The following ZNF274 variants were observed in gnomAD, a reference collection of about 807,000 sequenced individuals.
The protein encoded by ZNF274 is neurotrophin receptor-interacting factor homolog.
ZNF274 carries 23 observed loss-of-function variants against 42.5 expected under a neutral mutation model. The ratio of observed to expected loss-of-function variants is 0.54; its 90% CI spans 0.39 to 0.77. The LOEUF (loss-of-function observed/expected upper bound fraction) is 0.77, where lower values mean the gene tolerates loss of function less well. ZNF274 is among the 30% of genes least tolerant of loss of function. The probability of loss-of-function intolerance (pLI) is 0.00; values close to 1 mark genes in which losing one functional copy is unlikely to be tolerated. For missense variants in ZNF274, 679 were observed against 806.5 expected, an observed-to-expected ratio of 0.84 and a Z score of 1.91; for synonymous variants, 292 against 305.4, an observed-to-expected ratio of 0.96 and a Z score of 0.46.
At chr19:58,196,084 A>G (rs1317425780) in intron 4 of ZNF274, among the ~76,000 whole-genome samples, 2 of 152,226 alleles carry the variant, frequency 1.3e-5, no homozygotes, top group African/African-American at 4.8e-5. Flanking sequence ...TGGCACTCGA[A>G]TCTTCAGCTC....
At position 58,183,953 on chromosome 19, in the gene ZNF274, G is replaced by A. The variant is rs773196616; in HGVS notation, c.-13G>A. On this transcript the variant is annotated 5_prime_UTR_variant, in exon 2 of 8. Transcript: ENST00000617501. Reference sequence around the variant, plus strand: ...CCCACTTCCACCAGAGACACATTGAGAAGGAGGAAACTATGGCCTCCAGGC... The same window carrying A: ...CCCACTTCCACCAGAGACACATTGAAAAGGAGGAAACTATGGCCTCCAGGC... 6.9e-6 allele frequency: 11 copies of A among 1,593,104 alleles called. No homozygotes were observed. In the African/African-American group the frequency reaches 9.4e-5, roughly 14 times the overall value.
rs918640033 is a variant in ZNF274 at position 58,204,538 on chromosome 19, C to T, written c.257-2182C>T. 3.3e-5 allele frequency among the ~76,000 whole-genome samples: 5 copies of T among 152,208 alleles called. 1 individual carries two copies. Among genetic ancestry groups the T allele is most frequent in the Middle Eastern group, 6.8e-3 (2 of 294 alleles). ...TGAGAGACCAGGGCCGAGGAGGGGT[C>T]TGTGCAGGCGGCTTCCGGGCTCTGA... On this transcript the variant is annotated intron_variant, in intron 4 of 7. Coordinates refer to ENST00000617501, the MANE Select transcript of ZNF274 (RefSeq NM_133502.3).
rs1568694173 is a variant in ZNF274, at chr19:58,183,915, C to T, written c.-45-6C>T. On this transcript the variant is annotated splice_region_variant and splice_polypyrimidine_tract_variant and intron_variant, in intron 1 of 7. Transcript: ENST00000617501. ...CTCCCTCCCCTCCCAACTTCGGTTT[C>T]CTCAGGACTCTGCCCACTTCCACCA... The T allele has an allele frequency of 6.4e-7, 1 of 1,568,468 alleles. No homozygotes were observed. The highest frequency in any genetic ancestry group is 1.2e-5 in the South Asian group (1 of 85,264).
chr19:58,188,638 T>G (rs2075733279), intron 4 of ZNF274, among the ~76,000 whole-genome samples: 1 of 134,116 alleles, frequency 7.5e-6, no homozygotes, highest in Non-Finnish European at 1.6e-5. Flanking sequence ...TATATATATA[T>G]ATATATATGT....
chr19:58,212,668 C>T lies in ZNF274; in HGVS notation c.1487C>T (p.Thr496Met), dbSNP rs772196015. The T allele has an allele frequency of 8.7e-6, 14 of 1,613,878 alleles. No homozygotes were observed. The highest frequency in any genetic ancestry group is 1.3e-5 in the African/African-American group (1 of 74,936). The change falls in exon 8 of 8, where the codon ACG (threonine) becomes ATG (methionine). Residue 496 changes from threonine to methionine, a missense_variant. By Grantham distance (81) the Thr-to-Met change is moderately conservative. Transcript: ENST00000617501. This position sits in a 1 kb window ranked among gnomAD's most constrained non-coding sequence, Gnocchi z 4.6. ...TTCAGTCGGAGTACTAAACAGATTA[C>T]GTTTATAAGAATTCACAAGGGGAGC... The part of the protein sequence containing the change: ...KTFSRSTKQI[T>M]FIRIHKGSQV...
At chr19:58,195,876 G>A (rs2075836103) in intron 4 of ZNF274, among the ~76,000 whole-genome samples, 2 of 152,176 alleles carry the variant, frequency 1.3e-5, no homozygotes, top group Admixed American at 1.3e-4. Context: ...CTGACAGGAG[G>A]TGGAGCTCAG....
In ZNF274 at chr19:58,207,078, G is replaced by A. The variant is rs760847333; in HGVS notation, c.615G>A (p.Val205=). The A allele has an allele frequency of 1.2e-6, 2 of 1,613,696 alleles. No homozygotes were observed. The highest frequency in any genetic ancestry group is 1.7e-6 in the Non-Finnish European group (2 of 1,179,942). Residue 205 remains valine, a synonymous_variant, in exon 5 of 8, where the codon GTG becomes GTA. Transcript: ENST00000617501. This position sits in a 1 kb window ranked among gnomAD's most constrained non-coding sequence, Gnocchi z 5.6. ...AGGAGCAGATCCTGGAGCTGCTGGT[G>A]CTGGAGCAGTTCCTAGGTGCACTGC... The part of the protein sequence containing the change: ...RSKEQILELL[V]LEQFLGALPV...
At chr19:58,188,605 C>G (rs1284211466) in intron 4 of ZNF274, among the ~76,000 whole-genome samples, 1 of 48,836 alleles carries the variant, frequency 2.0e-5, no homozygotes, top group East Asian at 4.7e-4. Flanking sequence ...GACTCCATCT[C>G]AAAAAAAAAA....
intron 4 of ZNF274, among the ~76,000 whole-genome samples, chr19:58,195,686 G>C (rs1255532263): frequency 1.3e-5 from 2 of 152,168 alleles, no homozygotes; most frequent in Non-Finnish European, 2.9e-5. Flanking sequence ...CTAGGGACCG[G>C]TTTTGTGGAA....
At chr19:58,194,789 C>A (rs1225239899) in intron 4 of ZNF274, among the ~76,000 whole-genome samples, 1 of 151,918 alleles carries the variant, frequency 6.6e-6, no homozygotes, top group Non-Finnish European at 1.5e-5. Context: ...GGGTGGATCA[C>A]CTGAGAAGTT....
At position 58,211,341 on chromosome 19, in the gene ZNF274, G is replaced by C; in HGVS notation, c.853-219G>C. ...GCTTGTTGCACTTGGAGCTCTTTAT[G>C]AAGCAAGGGCTCTGCCTCCCAGCCT... On this transcript the variant is annotated intron_variant, in intron 6 of 7. Coordinates refer to ENST00000617501, the MANE Select transcript of ZNF274 (RefSeq NM_133502.3). This position sits in a 1 kb window ranked among gnomAD's most constrained non-coding sequence, Gnocchi z 4.8. The C allele has an allele frequency of 2.2e-6, 1 of 449,232 alleles. No homozygotes were observed. The highest frequency in any genetic ancestry group is 5.0e-5 in the South Asian group (1 of 19,962). 27.8% of individuals were successfully genotyped at this position (449,232 alleles called of 1,614,324 possible). A position where few individuals can be genotyped will look rare whatever the true frequency, so the allele number is the denominator to read the frequency against.
At chr19:58,186,687 T>C (rs978552616) in intron 3 of ZNF274, among the ~76,000 whole-genome samples, 4 of 152,142 alleles carry the variant, frequency 2.6e-5, no homozygotes, top group Non-Finnish European at 4.4e-5. Flanking sequence ...ACAGCTGTCA[T>C]GTTTAACCAG....
In ZNF274 at chr19:58,213,330, T is replaced by TA; in HGVS notation, c.*188dup. 1.7e-6 allele frequency: 1 copy of TA among 591,414 alleles called. No homozygotes were observed. Among genetic ancestry groups the TA allele is most frequent in the Non-Finnish European group, 2.6e-6 (1 of 379,460 alleles). 36.6% of individuals were successfully genotyped at this position (591,414 alleles called of 1,614,324 possible). A position where few individuals can be genotyped will look rare whatever the true frequency, so the allele number is the denominator to read the frequency against. On this transcript the variant is annotated 3_prime_UTR_variant, in exon 8 of 8. Coordinates refer to ENST00000617501, the MANE Select transcript of ZNF274 (RefSeq NM_133502.3). ...ATAAATAAGAAAATGAGTGAGGAGT[T>TA]ATTAACATCATTTGGAAAAAAGATT... is the stretch of plus-strand genomic sequence containing the variant.
At position 58,213,140 on chromosome 19, in the gene ZNF274, A is replaced by T. The variant is rs778769878; in HGVS notation, c.1959A>T (p.Ser653=). ...RTKRKKKQPT[S] ...AGCGAAAGAAGAAACAGCCTACCTC[A>T]TAGCTCTCAAGCCAGTTGAAGAAAC... The change falls in exon 8 of 8, where the codon TCA becomes TCT. Residue 653 remains serine (S), a synonymous_variant. Coordinates refer to ENST00000617501, the MANE Select transcript of ZNF274 (RefSeq NM_133502.3). 1 of 1,605,918 alleles carries T rather than the reference A, an allele frequency of 6.2e-7. No homozygotes were observed. Among genetic ancestry groups the T allele is most frequent in the Non-Finnish European group, 8.5e-7 (1 of 1,175,086 alleles).
At chr19:58,185,644 GCCTCC>G (rs1032007655) in intron 2 of ZNF274, 63 bp from the exon 3 acceptor site, 22 of 1,366,324 alleles carry the variant, frequency 1.6e-5, no homozygotes, top group African/African-American at 3.0e-5. Context: ...GGCCTGGTCA[GCCTCC>G]CCTGTCTTTC....
chr19:58,203,038 A>C (rs1454899039), intron 4 of ZNF274, among the ~76,000 whole-genome samples: 1 of 152,240 alleles, frequency 6.6e-6, no homozygotes, highest in South Asian at 2.1e-4. Context: ...CCAAGGCATG[A>C]AAATCCCTCG....
At chr19:58,202,500 G>C (rs1254639561) in intron 4 of ZNF274, 4 of 152,182 alleles carry the variant, frequency 2.6e-5, no homozygotes, top group Non-Finnish European at 5.9e-5. Flanking sequence ...CAACCCATTA[G>C]ACAGACAGTT....
chr19:58,193,941 T>G (rs1400247745), intron 4 of ZNF274, among the ~76,000 whole-genome samples: 23 of 151,948 alleles, frequency 1.5e-4, no homozygotes, highest in Admixed American at 1.4e-3. Context: ...AATATATCTA[T>G]ATCTATATCT....
chr19:58,186,882 C>A, intron 3 of ZNF274, 65 bp from the exon 4 acceptor site: 2 of 1,399,388 alleles, frequency 1.4e-6, no homozygotes, highest in Non-Finnish European at 2.0e-6. Flanking sequence ...GCTTGTGCTG[C>A]AGTAGGATAG....
Sources: allele counts gnomAD v4.1 joint callset (sites outside exome capture counted in the v4.1 genomes callset), GRCh38; gene constraint gnomAD v4.1.1; non-coding constraint Gnocchi (gnomAD v3.1); transcripts MANE v1.5; gene names NCBI Gene and HGNC (gene_info 2026-07-23, HGNC 2026-07-21).